Variants in CTIF observed in about 807,000 individuals in gnomAD.
CTIF encodes the protein CBP80/20-dependent translation initiation factor.
A neutral mutation model predicts 66.0 loss-of-function variants in CTIF; 21 were observed. The ratio of observed to expected loss-of-function variants is 0.32; its 90% CI spans 0.23 to 0.46. The LOEUF (loss-of-function observed/expected upper bound fraction) is 0.46. Ranked by LOEUF, CTIF falls within the 20% of genes least tolerant of loss-of-function variation. The pLI is 1.00. For synonymous variants in CTIF, 345 were observed against 326.4 expected (o/e 1.06, Z -0.62); for missense variants, 739 against 812.7 (o/e 0.91, Z 1.10).
In CTIF at chr18:48,655,981, A is replaced by C. The variant is rs556447714; in HGVS notation, c.253-7771A>C. Among the ~76,000 whole-genome samples, 64 of 152,342 alleles carry C rather than the reference A, an allele frequency of 4.2e-4. 1 individual carries two copies. The highest frequency in any genetic ancestry group is 7.9e-4 in the Non-Finnish European group (54 of 68,030). On this transcript the variant is annotated intron_variant, in intron 3 of 11. Transcript: ENST00000256413. The stretch of plus-strand genomic sequence containing the variant: ...CTAGAAGATTTGTTGTTTTCACTGC[A>C]TCTGACTTTGTATGTTTTTCTATCA...
intron 10 of CTIF, chr18:48,826,287 A>G (rs1367808958): frequency 6.6e-6 from 1 of 152,328 alleles, no homozygotes; most frequent in African/African-American, 2.4e-5. Flanking sequence ...AGAGAAAAAA[A>G]ATCGCAACAC....
In CTIF at chr18:48,811,273, C is replaced by T. The variant is rs184134613; in HGVS notation, c.1372-5948C>T. ...CCAAAATTATAATGACTTATTTTAA[C>T]TTAACTTAATAAGTCTACCTGGTTG... On this transcript the variant is annotated intron_variant, in intron 9 of 11. Transcript: ENST00000256413. 3.3e-5 allele frequency among the ~76,000 whole-genome samples: 5 copies of T among 152,064 alleles called. No individual in the cohort carries two copies. The East Asian group carries it at 5.8e-4, about 18-fold the overall frequency.
intron 9 of CTIF, among the ~76,000 whole-genome samples, chr18:48,764,569 C>T (rs1285346989): frequency 2.0e-5 from 3 of 152,132 alleles, no homozygotes; most frequent in Non-Finnish European, 4.4e-5. Context: ...GGGCTAGGGG[C>T]CTGCAGGGAC....
At chr18:48,638,180 G>A (rs997585013) in intron 3 of CTIF, among the ~76,000 whole-genome samples, 7 of 152,116 alleles carry the variant, frequency 4.6e-5, no homozygotes, top group Admixed American at 2.0e-4. Flanking sequence ...TTATTCTGGG[G>A]TCTCCTAAAA....
intron 1 of CTIF, among the ~76,000 whole-genome samples, chr18:48,612,041 G>C (rs1307563732): frequency 6.6e-6 from 1 of 152,178 alleles, no homozygotes; most frequent in African/African-American, 2.4e-5. Flanking sequence ...ACATGCCTTC[G>C]ACTTCATGCA....
intron 6 of CTIF, among the ~76,000 whole-genome samples, chr18:48,695,944 T>G (rs2092000877): frequency 6.6e-6 from 1 of 152,252 alleles, no homozygotes; most frequent in Non-Finnish European, 1.5e-5. Context: ...TGCCCAAGCC[T>G]GGTCTTGCTG....
rs771772711 is a variant in CTIF, at chr18:48,556,784, T to C, written c.-29+17472T>C. ...TTCACCATGTTGGCCAGGCTGGTCT[T>C]GAAATCTTGACCTCAGGTGATCCAC... On this transcript the variant is annotated intron_variant, in intron 1 of 11. Transcript: ENST00000256413. Among the ~76,000 whole-genome samples the C allele has an allele frequency of 5.3e-5, 8 of 152,062 alleles. No homozygotes were observed. In the South Asian group the frequency reaches 1.7e-3, roughly 32 times the overall value.
At chr18:48,738,378 G>A (rs1487906808) in intron 7 of CTIF, among the ~76,000 whole-genome samples, 1 of 152,138 alleles carries the variant, frequency 6.6e-6, no homozygotes, top group Non-Finnish European at 1.5e-5. Context: ...CCAGATAAGG[G>A]CCAAAGTCCT....
chr18:48,757,560 AG>A (rs1388679413), intron 7 of CTIF, among the ~76,000 whole-genome samples: 1 of 152,246 alleles, frequency 6.6e-6, no homozygotes, highest in Non-Finnish European at 1.5e-5. Flanking sequence ...CTGCTTCCAA[AG>A]GCCATATGTG....
chr18:48,604,401 A>G lies in CTIF; in HGVS notation c.-28-15137A>G, dbSNP rs150488040. ...CACAGTGTTAGCCAGGATGGTCTCGATCTCCTGACCTTGTGATCTGCCCAC... is the reference window on the plus strand; with the variant it reads ...CACAGTGTTAGCCAGGATGGTCTCGGTCTCCTGACCTTGTGATCTGCCCAC... On this transcript the variant is annotated intron_variant, in intron 1 of 11. Transcript: ENST00000256413. Among the ~76,000 whole-genome samples the G allele has an allele frequency of 3.8e-3, 540 of 142,896 alleles. 13 individuals carry two copies. In the East Asian group the frequency reaches 0.067, roughly 18 times the overall value. 93.7% of individuals were successfully genotyped at this position (142,896 alleles called of 152,430 possible).
chr18:48,811,984 A>T (rs911889800), intron 9 of CTIF, among the ~76,000 whole-genome samples: 1 of 152,036 alleles, frequency 6.6e-6, no homozygotes, highest in Admixed American at 6.6e-5. Flanking sequence ...GTTTTTTGAG[A>T]TGGAGTCTCA....
At chr18:48,571,126 G>A (rs767379108) in intron 1 of CTIF, among the ~76,000 whole-genome samples, 4 of 152,090 alleles carry the variant, frequency 2.6e-5, no homozygotes, top group Admixed American at 6.6e-5. Flanking sequence ...ACCCCCTTCC[G>A]TCTTGCCTTA....
At chr18:48,566,185 G>A (rs775314403) in intron 1 of CTIF, 16 of 152,186 alleles carry the variant, frequency 1.1e-4, no homozygotes, top group Admixed American at 4.6e-4. Context: ...GAGTAAACAC[G>A]CACGCAAAAG....
Position 48,654,195 on chromosome 18 carries a change from C to T in CTIF, c.253-9557C>T, listed in dbSNP as rs534244759. 1.4e-4 allele frequency among the ~76,000 whole-genome samples: 21 copies of T among 152,258 alleles called. No homozygotes were observed. In the East Asian group the frequency reaches 1.5e-3, roughly 11 times the overall value. ...ACCATAAGAGTGAATAGGCAACCTACAGAATGGGAGAAAATTTTTACAATC... is the reference window on the plus strand; with the variant it reads ...ACCATAAGAGTGAATAGGCAACCTATAGAATGGGAGAAAATTTTTACAATC... On this transcript the variant is annotated intron_variant, in intron 3 of 11. Transcript: ENST00000256413.
At chr18:48,817,080 C>T in intron 9 of CTIF, 141 bp from the exon 10 acceptor site, 2 of 775,994 alleles carry the variant, frequency 2.6e-6, no homozygotes, top group South Asian at 1.8e-5. Context: ...TGCAATCACG[C>T]ACCCCCATCC....
At chr18:48,561,422 C>T (rs1262907221) in intron 1 of CTIF, among the ~76,000 whole-genome samples, 1 of 152,096 alleles carries the variant, frequency 6.6e-6, no homozygotes, top group African/African-American at 2.4e-5. Context: ...TCAGCCATTC[C>T]CAGAAATTGC....
chr18:48,782,663 G>A lies in CTIF; in HGVS notation c.1371+20974G>A, dbSNP rs1010836289. On this transcript the variant is annotated intron_variant, in intron 9 of 11. Transcript: ENST00000256413. ...CCACAGGGCCACAGGTCAGGTGCCC[G>A]AGGCTCTGGGAAGCTGCAGGCGGAC... is the stretch of plus-strand genomic sequence containing the variant. 4.6e-5 allele frequency among the ~76,000 whole-genome samples: 7 copies of A among 152,212 alleles called. No homozygotes were observed. In the East Asian group the frequency reaches 5.8e-4, roughly 13 times the overall value.
At chr18:48,625,538 T>C (rs756899051) in intron 2 of CTIF, among the ~76,000 whole-genome samples, 1 of 152,214 alleles carries the variant, frequency 6.6e-6, no homozygotes, top group Non-Finnish European at 1.5e-5. Context: ...TGAGTTCATT[T>C]CCTTGCCTTT....
At chr18:48,799,911 A>G (rs955318642) in intron 9 of CTIF, among the ~76,000 whole-genome samples, 1 of 152,278 alleles carries the variant, frequency 6.6e-6, no homozygotes, top group African/African-American at 2.4e-5. Context: ...ATAAGCTTAC[A>G]GGTGTGTCAT....
Sources: allele counts gnomAD v4.1 joint callset (sites outside exome capture counted in the v4.1 genomes callset), GRCh38; gene constraint gnomAD v4.1.1; transcripts MANE v1.5; gene names NCBI Gene and HGNC (gene_info 2026-07-23, HGNC 2026-07-21).